Variants in DPP10 observed in about 807,000 individuals in gnomAD.
DPP10 encodes the protein inactive dipeptidyl peptidase 10.
A neutral mutation model predicts 120.9 loss-of-function variants in DPP10; 33 were observed. The observed-to-expected ratio is 0.27, with a 90% CI of 0.21 to 0.37. The LOEUF (loss-of-function observed/expected upper bound fraction) is 0.37. Ranked by LOEUF, DPP10 falls within the 10% of genes least tolerant of loss-of-function variation. The pLI is 1.00. For synonymous variants in DPP10, 337 were observed against 326.1 expected (o/e 1.03, Z -0.36); for missense variants, 816 against 942.8 (o/e 0.87, Z 1.76).
intron 3 of DPP10, among the ~76,000 whole-genome samples, chr2:115,458,110 A>G (rs1014878165): frequency 2.0e-5 from 3 of 152,186 alleles, no homozygotes; most frequent in African/African-American, 7.2e-5. Flanking sequence ...AATTTTCTAG[A>G]GACAAAGAGC....
intron 3 of DPP10, among the ~76,000 whole-genome samples, chr2:115,497,603 C>A (rs1575021598): frequency 6.6e-6 from 1 of 151,984 alleles, no homozygotes; most frequent in Non-Finnish European, 1.5e-5. Flanking sequence ...CTATTTGGCT[C>A]TTGATAATTC....
intron 4 of DPP10, among the ~76,000 whole-genome samples, chr2:115,509,233 T>A (rs1034544984): frequency 1.3e-5 from 2 of 152,138 alleles, no homozygotes; most frequent in African/African-American, 4.8e-5. Flanking sequence ...AGGCTTGAGA[T>A]TATAAGCAAA....
At chr2:115,732,246 A>G (rs1405224741) in intron 8 of DPP10, among the ~76,000 whole-genome samples, 1 of 152,220 alleles carries the variant, frequency 6.6e-6, no homozygotes, top group Non-Finnish European at 1.5e-5. Context: ...AGATGAGAGA[A>G]AGAGTGACAT....
At position 115,060,457 on chromosome 2, in the gene DPP10, G is replaced by A. The variant is rs561042123; in HGVS notation, c.61-248782G>A. Among the ~76,000 whole-genome samples the A allele has an allele frequency of 4.6e-5, 7 of 152,124 alleles. No individual in the cohort carries two copies. In the East Asian group the frequency reaches 1.2e-3, roughly 25 times the overall value. On this transcript the variant is annotated intron_variant, in intron 1 of 25. Transcript: ENST00000410059. The stretch of plus-strand genomic sequence containing the variant: ...AATATACGAAAATTAGCTGGGTGTG[G>A]TGGCATATGCCTGTAGTCCCAGCAC...
rs191936173 is a variant in DPP10, at chr2:115,103,121, C to T, written c.61-206118C>T. Among the ~76,000 whole-genome samples the T allele has an allele frequency of 2.6e-4, 40 of 151,266 alleles. No homozygotes were observed. In the East Asian group the frequency reaches 7.2e-3, roughly 27 times the overall value. On this transcript the variant is annotated intron_variant, in intron 1 of 25. Transcript: ENST00000410059. ...ACATAAAAATCTCATCTCTCTCTTA[C>T]AACAGCTAAAACAGGGGTTTTCAGT...
chr2:115,326,552 C>G, intron 2 of DPP10, among the ~76,000 whole-genome samples: 1 of 151,768 alleles, frequency 6.6e-6, no homozygotes, highest in Admixed American at 6.6e-5. Context: ...GGAGGTATTC[C>G]AGAAGAAGGC....
intron 1 of DPP10, among the ~76,000 whole-genome samples, chr2:114,741,982 A>C (rs182825716): frequency 1.3e-3 from 197 of 152,318 alleles, no homozygotes; most frequent in African/African-American, 4.3e-3. Context: ...GATTTACCTA[A>C]CACCACAAGG....
chr2:115,233,945 G>A (rs1284027113), intron 1 of DPP10: 2 of 518,440 alleles, frequency 3.9e-6, no homozygotes, highest in South Asian at 2.8e-5. Context: ...AGCTTAGAAA[G>A]TTCTAGAACT....
intron 1 of DPP10, among the ~76,000 whole-genome samples, chr2:114,896,172 C>T (rs903073809): frequency 1.2e-4 from 19 of 152,298 alleles, no homozygotes; most frequent in Admixed American, 1.2e-3. Context: ...TAGCGTGATG[C>T]CTCCGGCTTT....
chr2:115,234,710 T>G (rs527393718), intron 1 of DPP10: 6 of 152,348 alleles, frequency 3.9e-5, no homozygotes, highest in African/African-American at 1.4e-4. Flanking sequence ...ACATGCTTGT[T>G]GTTTAAAAAA....
At chr2:114,637,197 G>A (rs909778428) in intron 1 of DPP10, among the ~76,000 whole-genome samples, 1 of 151,886 alleles carries the variant, frequency 6.6e-6, no homozygotes, top group Admixed American at 6.6e-5. Context: ...GGAATAAAAC[G>A]TTAACACAGT....
At chr2:114,501,411 T>C (rs1209362355) in intron 1 of DPP10, among the ~76,000 whole-genome samples, 1 of 152,192 alleles carries the variant, frequency 6.6e-6, no homozygotes, top group Non-Finnish European at 1.5e-5. Flanking sequence ...AACAAGAATA[T>C]ATTTTTAAAA....
At chr2:115,787,773 G>C (rs756442777) in intron 17 of DPP10, among the ~76,000 whole-genome samples, 4 of 152,120 alleles carry the variant, frequency 2.6e-5, no homozygotes, top group Non-Finnish European at 5.9e-5. Flanking sequence ...CACATCATTA[G>C]CAAATTATGC....
chr2:115,138,721 A>G (rs182888902), intron 1 of DPP10, among the ~76,000 whole-genome samples: 272 of 152,312 alleles, frequency 1.8e-3, no homozygotes, highest in Non-Finnish European at 3.5e-3. Context: ...TCAATTTTAT[A>G]ACGGACAATT....
chr2:115,338,798 T>C (rs1483947823), intron 2 of DPP10, among the ~76,000 whole-genome samples: 1 of 152,122 alleles, frequency 6.6e-6, no homozygotes, highest in Non-Finnish European at 1.5e-5. Flanking sequence ...ATACAAAAAG[T>C]AACTCAAAAT....
intron 8 of DPP10, among the ~76,000 whole-genome samples, chr2:115,735,804 A>G (rs954308669): frequency 9.0e-5 from 13 of 144,888 alleles, no homozygotes; most frequent in Non-Finnish European, 1.6e-4. Context: ...AAGTGTTGTG[A>G]TTACAGGTGT....
chr2:114,948,033 T>C (rs929168686), intron 1 of DPP10, among the ~76,000 whole-genome samples: 7 of 152,130 alleles, frequency 4.6e-5, no homozygotes, highest in African/African-American at 1.4e-4. Context: ...CTTCTCTTTA[T>C]ATATTTTTCC....
chr2:115,629,420 A>G (rs1164361465), intron 5 of DPP10, among the ~76,000 whole-genome samples: 5 of 152,196 alleles, frequency 3.3e-5, no homozygotes, highest in African/African-American at 1.2e-4. Context: ...GAACTAGTTT[A>G]CAGTCCCACC....
chr2:114,568,030 A>G (rs949918150), intron 1 of DPP10, among the ~76,000 whole-genome samples: 5 of 148,520 alleles, frequency 3.4e-5, no homozygotes, highest in Admixed American at 6.9e-5. Context: ...ATTAAAAAAA[A>G]AGAGAGAGAG....
Sources: allele counts gnomAD v4.1 joint callset (sites outside exome capture counted in the v4.1 genomes callset), GRCh38; gene constraint gnomAD v4.1.1; transcripts MANE v1.5; gene names NCBI Gene and HGNC (gene_info 2026-07-23, HGNC 2026-07-21).